ZBTB38: variants seen among roughly 807,000 people sequenced by gnomAD.
ZBTB38 encodes the protein zinc finger and BTB domain containing 38.
A neutral mutation model predicts 76.8 loss-of-function variants in ZBTB38; 20 were observed. That is an observed-to-expected ratio of 0.26 (90% CI 0.18 to 0.38). ZBTB38 has a LOEUF of 0.38. Among genes scored for constraint, ZBTB38 ranks in the 10% least tolerant of loss-of-function variants. The probability of loss-of-function intolerance (pLI) is 1.00; values close to 1 mark genes in which losing one functional copy is unlikely to be tolerated. For missense variants in ZBTB38, 1,082 were observed against 1,482.3 expected (o/e 0.73, Z 4.43); for synonymous variants, 504 against 544.2 (o/e 0.93, Z 1.03).
intron 5 of ZBTB38, among the ~76,000 whole-genome samples, chr3:141,421,905 G>A (rs1255994101): frequency 1.3e-5 from 2 of 152,230 alleles, no homozygotes; most frequent in African/African-American, 4.8e-5. Flanking sequence ...GGACCCAGGA[G>A]CATTTCCTTG....
chr3:141,341,233 G>A (rs1046294577), intron 1 of ZBTB38, among the ~76,000 whole-genome samples: 13 of 152,194 alleles, frequency 8.5e-5, no homozygotes, highest in Non-Finnish European at 1.5e-5. Flanking sequence ...AGCTGCTTGG[G>A]AAACAGTTTG....
intron 4 of ZBTB38, among the ~76,000 whole-genome samples, chr3:141,401,611 A>T (rs1577070656): frequency 6.8e-6 from 1 of 146,674 alleles, no homozygotes; most frequent in East Asian, 2.0e-4. Flanking sequence ...GTGGCCTTGA[A>T]TTTTTTTTTT....
chr3:141,432,433 T>G (rs1205226809), intron 5 of ZBTB38, among the ~76,000 whole-genome samples: 1 of 152,064 alleles, frequency 6.6e-6, no homozygotes, highest in Non-Finnish European at 1.5e-5. Flanking sequence ...GATTAGAAGA[T>G]TAAAAAAAAT....
chr3:141,381,630 G>A (rs1389874386), intron 3 of ZBTB38, 143 bp downstream of exon 3: 1 of 152,206 alleles, frequency 6.6e-6, no homozygotes, highest in Admixed American at 6.5e-5. Context: ...CTACCTATGA[G>A]CGTTGAGCAA....
chr3:141,357,763 A>G (rs916412187), intron 1 of ZBTB38, among the ~76,000 whole-genome samples: 1 of 152,220 alleles, frequency 6.6e-6, no homozygotes, highest in African/African-American at 2.4e-5. Context: ...CTGGGATTAC[A>G]GCATGAACCA....
At chr3:141,376,195 G>A (rs898652361) in intron 2 of ZBTB38, among the ~76,000 whole-genome samples, 66 of 152,074 alleles carry the variant, frequency 4.3e-4, no homozygotes. Flanking sequence ...AGTTCTGCCT[G>A]GACAGACTGC....
intron 4 of ZBTB38, among the ~76,000 whole-genome samples, chr3:141,397,797 A>C (rs74510129): frequency 9.4e-4 from 143 of 152,356 alleles, no homozygotes; most frequent in African/African-American, 3.3e-3. Flanking sequence ...GGCGTGGTTC[A>C]TGGCACCCCA....
chr3:141,398,514 TTTA>T (rs1950894497), intron 4 of ZBTB38, among the ~76,000 whole-genome samples: 1 of 152,202 alleles, frequency 6.6e-6, no homozygotes, highest in Non-Finnish European at 1.5e-5. Flanking sequence ...TTTAAATACT[TTTA>T]TTAACATAAC....
Position 141,446,203 on chromosome 3 carries a change from C to G in ZBTB38, c.*227C>G, listed in dbSNP as rs2081081911. The G allele has an allele frequency of 5.6e-6, 2 of 354,644 alleles. No homozygotes were observed. The highest frequency in any genetic ancestry group is 4.2e-5 in the African/African-American group (2 of 47,390). 22.0% of individuals were successfully genotyped at this position (354,644 alleles called of 1,614,324 possible). A position where few individuals can be genotyped will look rare whatever the true frequency, so the allele number is the denominator to read the frequency against. On this transcript the variant is annotated 3_prime_UTR_variant, in exon 6 of 6. Coordinates refer to ENST00000321464, the MANE Select transcript of ZBTB38 (RefSeq NM_001376113.1). Reference sequence around the variant, plus strand: ...ACAAAATAGCTGACTCCTCCAATATCCCAAGTTTCTTGTGAAAGTTAATAA... The same window carrying G: ...ACAAAATAGCTGACTCCTCCAATATGCCAAGTTTCTTGTGAAAGTTAATAA...
intron 5 of ZBTB38, chr3:141,426,203 G>A (rs1221943517): frequency 7.8e-7 from 1 of 1,289,130 alleles, no homozygotes; most frequent in Middle Eastern, 2.1e-4. Flanking sequence ...GAAGTCACAG[G>A]CCAGGTCGTG....
intron 2 of ZBTB38, among the ~76,000 whole-genome samples, chr3:141,376,452 C>G (rs1392825764): frequency 6.6e-6 from 1 of 152,194 alleles, no homozygotes; most frequent in Non-Finnish European, 1.5e-5. Flanking sequence ...AGGATCACTA[C>G]TCTCCTGATT....
At chr3:141,402,951 A>AAGGGACGTGCAAAGGC (rs1329365316) in intron 4 of ZBTB38, 1 of 152,250 alleles carries the variant, frequency 6.6e-6, no homozygotes, top group Non-Finnish European at 1.5e-5. Context: ...CTGGAATTGA[A>AAGGGACGTGCAAAGGC]AGGGACGTGC....
At chr3:141,432,171 G>A in intron 5 of ZBTB38, 1 of 985,510 alleles carries the variant, frequency 1.0e-6, no homozygotes, top group Non-Finnish European at 1.2e-6. Flanking sequence ...GACCTGCGCA[G>A]TAGATTTCAC....
chr3:141,445,030 C>G lies in ZBTB38; in HGVS notation c.2642C>G (p.Pro881Arg). 1 of 1,614,138 alleles carries G rather than the reference C, an allele frequency of 6.2e-7. No homozygotes were observed. The highest frequency in any genetic ancestry group is 2.2e-5 in the East Asian group (1 of 44,878). ...QEEPLPQGND[P>R]EPSGDSPLGL... ...GAGCCTTTGCCACAGGGGAATGACC[C>G]AGAACCCAGTGGAGACAGCCCACTC... The change falls in exon 6 of 6, where the codon CCA (proline) becomes CGA (arginine). Residue 881 changes from proline (P) to arginine (R), a missense_variant. Physicochemically the swap from Pro to Arg is moderately radical, Grantham distance 103. Around this residue, in one of 8 missense-constraint regions of ZBTB38, gnomAD observed 471 missense variants for 581.0 expected, o/e 0.81. Transcript: ENST00000321464. This position sits in a 1 kb window ranked among gnomAD's most constrained non-coding sequence, Gnocchi z 6.5.
intron 1 of ZBTB38, among the ~76,000 whole-genome samples, chr3:141,330,072 G>T (rs1357947663): frequency 2.0e-5 from 3 of 151,998 alleles, no homozygotes; most frequent in East Asian, 3.9e-4. Context: ...ATGAAGGAGA[G>T]ATGACATATT....
upstream of ZBTB38, among the ~76,000 whole-genome samples, chr3:141,364,232 G>GCCTGACCAACATAGAGAAAC (rs1241431251): frequency 6.6e-6 from 1 of 150,634 alleles, no homozygotes; most frequent in Non-Finnish European, 1.5e-5. Flanking sequence ...TTCAAGACCA[G>GCCTGACCAACATAGAGAAAC]TTGGACTTCA....
At chr3:141,342,237 A>G (rs1943218683) in intron 1 of ZBTB38, among the ~76,000 whole-genome samples, 1 of 152,082 alleles carries the variant, frequency 6.6e-6, no homozygotes, top group African/African-American at 2.4e-5. Context: ...AGGCAGGAGA[A>G]TCGCTTGAAC....
At chr3:141,357,479 A>C (rs1943694568) in intron 1 of ZBTB38, among the ~76,000 whole-genome samples, 1 of 152,014 alleles carries the variant, frequency 6.6e-6, no homozygotes, top group Non-Finnish European at 1.5e-5. Flanking sequence ...TTATTTTTCC[A>C]TTTGGTATTT....
intron 4 of ZBTB38, among the ~76,000 whole-genome samples, chr3:141,393,140 TG>T (rs1949379572): frequency 6.6e-6 from 1 of 152,254 alleles, no homozygotes; most frequent in Non-Finnish European, 1.5e-5. Flanking sequence ...ATTCTTTCTG[TG>T]CTCATGAAAA....
Sources: gnomAD v4.1 joint callset for allele counts (sites outside exome capture counted in the v4.1 genomes callset) on GRCh38, gnomAD v4.1.1 for gene constraint, gnomAD v4.1.1 regional missense constraint, Gnocchi (gnomAD v3.1) non-coding constraint, MANE v1.5 for transcripts, NCBI Gene and HGNC (gene_info 2026-07-23, HGNC 2026-07-21) for gene names.